CREM: variants seen among roughly 807,000 people sequenced by gnomAD.
CREM encodes the protein cAMP-responsive element modulator.
Under a neutral mutation model 37.3 loss-of-function variants are expected in CREM, and 13 were observed. That is an observed-to-expected ratio of 0.35 (90% CI 0.23 to 0.55). The LOEUF (loss-of-function observed/expected upper bound fraction) is 0.55, where lower values mean the gene tolerates loss of function less well. CREM is among the 20% of genes least tolerant of loss of function. CREM has a pLI of 0.88. For synonymous variants in CREM, 124 were observed against 120.2 expected, an observed-to-expected ratio of 1.03 and a Z score of -0.21; for missense variants, 296 against 362.3, an observed-to-expected ratio of 0.82 and a Z score of 1.49.
intron 2 of CREM, among the ~76,000 whole-genome samples, chr10:35,145,160 C>CAA (rs34802396): frequency 0.21 from 13,871 of 67,170 alleles, 1,033 homozygotes; most frequent in East Asian, 0.29. Flanking sequence ...GACACTGTCT[C>CAA]AAAAAAAAAA....
At chr10:35,137,694 G>T in intron 1 of CREM, 88 bp from the exon 2 acceptor site, 1 of 515,186 alleles carries the variant, frequency 1.9e-6, no homozygotes, top group Non-Finnish European at 3.3e-6. Context: ...CTTGTTTTGA[G>T]AGGTTTTAAT....
intron 5 of CREM, chr10:35,179,592 C>T (rs1053113163): frequency 2.6e-5 from 7 of 271,714 alleles, no homozygotes; most frequent in African/African-American, 1.1e-4. Flanking sequence ...ATGATGCATG[C>T]GAACATAAAT....
chr10:35,147,465 T>TA (rs1474469648), intron 2 of CREM, among the ~76,000 whole-genome samples: 2 of 152,192 alleles, frequency 1.3e-5, no homozygotes, highest in African/African-American at 4.8e-5. Context: ...ATCACTAACT[T>TA]AAACTGAATT....
intron 6 of CREM, chr10:35,196,374 A>G (rs1399271927): frequency 2.1e-6 from 1 of 473,704 alleles, no homozygotes; most frequent in Admixed American, 3.8e-5. Context: ...TTAGTTACTA[A>G]TAACCTTTGT....
At position 35,212,013 on chromosome 10, in the gene CREM, A is replaced by T; in HGVS notation, c.*615A>T. On this transcript the variant is annotated 3_prime_UTR_variant, in exon 8 of 8. Coordinates refer to ENST00000685392, the MANE Select transcript of CREM (RefSeq NM_183011.2). ...GAGACAAACTGTAAAAAATGTGTGT[A>T]TTCTTAAAATGCAATATTTGTAAGG... 1 of 443,178 alleles carries T rather than the reference A, an allele frequency of 2.3e-6. No individual in the cohort carries two copies. Among genetic ancestry groups the T allele is most frequent in the Non-Finnish European group, 3.9e-6 (1 of 257,700 alleles). The allele number at this position is 443,178 out of a possible 1,614,324, so 27.5% of individuals were successfully genotyped here. A position where few individuals can be genotyped will look rare whatever the true frequency, so the allele number is the denominator to read the frequency against.
intron 3 of CREM, among the ~76,000 whole-genome samples, chr10:35,174,328 G>A (rs955118825): frequency 6.6e-6 from 1 of 152,138 alleles, no homozygotes; most frequent in Non-Finnish European, 1.5e-5. Context: ...GTACTATTTG[G>A]TGTGCCATTG....
intron 3 of CREM, among the ~76,000 whole-genome samples, chr10:35,172,661 A>G (rs2132780312): frequency 6.6e-6 from 1 of 152,098 alleles, no homozygotes; most frequent in East Asian, 1.9e-4. Context: ...CTCTGAGTAC[A>G]TGCTGTTTTG....
Position 35,137,886 on chromosome 10 carries a change from A to G in CREM, c.44+7A>G. The G allele has an allele frequency of 6.3e-7, 1 of 1,580,612 alleles. No individual in the cohort carries two copies. ...ATATTAAGACAAATCCAAGGTAGGT[A>G]GATGTACGTTTTTCTGTTCTTTTGA... is the stretch of plus-strand genomic sequence containing the variant. On this transcript the variant is annotated splice_region_variant and intron_variant, in intron 2 of 7. Coordinates refer to ENST00000685392, the MANE Select transcript of CREM (RefSeq NM_183011.2).
intron 1 of CREM, among the ~76,000 whole-genome samples, chr10:35,128,045 A>G (rs1250305820): frequency 6.6e-6 from 1 of 152,062 alleles, no homozygotes; most frequent in Non-Finnish European, 1.5e-5. Flanking sequence ...GGGTTTTACC[A>G]TGTTGGTCAG....
Position 35,212,473 on chromosome 10 carries a change from G to C in CREM, c.*1075G>C, listed in dbSNP as rs928365304. On this transcript the variant is annotated 3_prime_UTR_variant, in exon 8 of 8. Coordinates refer to ENST00000685392, the MANE Select transcript of CREM (RefSeq NM_183011.2). ...ATAAAAGATCTTGCAGAAGTTCTTA[G>C]TGTTGGTTTAATATTACCTAATGAA... The C allele has an allele frequency of 6.5e-6, 1 of 152,760 alleles. No homozygotes were observed. Among genetic ancestry groups the C allele is most frequent in the South Asian group, 2.1e-4 (1 of 4,832 alleles). The allele number at this position is 152,760 out of a possible 1,614,324, so 9.5% of individuals were successfully genotyped here.
Position 35,196,930 on chromosome 10 carries a change from C to T in CREM, c.598+8542C>T, listed in dbSNP as rs560268882. On this transcript the variant is annotated intron_variant, in intron 6 of 7. Transcript: ENST00000685392. ...TGTCGCCCAGGCTGGAGTGCAGTGG[C>T]GCGATCTTGGCTCACTGCAAGCTCC... Among the ~76,000 whole-genome samples the T allele has an allele frequency of 5.6e-3, 756 of 134,708 alleles. 7 individuals carry two copies. Among genetic ancestry groups the T allele is most frequent in the African/African-American group, 0.021 (717 of 34,668 alleles). 88.4% of individuals were successfully genotyped at this position (134,708 alleles called of 152,430 possible).
At chr10:35,146,810 G>A (rs900104464) in intron 2 of CREM, among the ~76,000 whole-genome samples, 2 of 152,116 alleles carry the variant, frequency 1.3e-5, no homozygotes, top group Non-Finnish European at 2.9e-5. Context: ...TTTGGGTAAC[G>A]GCTACTGGAA....
intron 3 of CREM, 86 bp from the exon 4 acceptor site, chr10:35,178,803 C>A: frequency 9.9e-7 from 1 of 1,011,438 alleles, no homozygotes; most frequent in Non-Finnish European, 1.5e-6. Context: ...CTCAGTGCTG[C>A]ACACACAGAC....
rs1491112396 is a variant in CREM at position 35,187,155 on chromosome 10, AAT to A, written c.410-1038_410-1037del. Among the ~76,000 whole-genome samples the A allele has an allele frequency of 1.7e-4, 11 of 65,436 alleles. No individual in the cohort carries two copies. The East Asian group carries it at 4.1e-3, about 24-fold the overall frequency. 42.9% of individuals were successfully genotyped at this position (65,436 alleles called of 152,430 possible). A position where few individuals can be genotyped will look rare whatever the true frequency, so the allele number is the denominator to read the frequency against. ...TAATATATTAATATATAATATATAT[AAT>A]ATATATTATATATTAATATTAATAT... On this transcript the variant is annotated intron_variant, in intron 5 of 7. Coordinates refer to ENST00000685392, the MANE Select transcript of CREM (RefSeq NM_183011.2).
chr10:35,211,667 A>G lies in CREM; in HGVS notation c.*269A>G. 6.2e-7 allele frequency: 1 copy of G among 1,611,074 alleles called. No individual in the cohort carries two copies. Among genetic ancestry groups the G allele is most frequent in the Admixed American group, 1.7e-5 (1 of 59,186 alleles). ...CTGCTTTTTTTCAGGGAAGCTGCCA[A>G]AGAATGTCGACGTCGAAAGAAAGAA... On this transcript the variant is annotated 3_prime_UTR_variant, in exon 8 of 8. Coordinates refer to ENST00000685392, the MANE Select transcript of CREM (RefSeq NM_183011.2).
chr10:35,137,893 C>A lies in CREM; in HGVS notation c.44+14C>A, dbSNP rs147687611. On this transcript the variant is annotated intron_variant, in intron 2 of 7. Coordinates refer to ENST00000685392, the MANE Select transcript of CREM (RefSeq NM_183011.2). ...GACAAATCCAAGGTAGGTAGATGTA[C>A]GTTTTTCTGTTCTTTTGAAAATTCT... 1 of 1,570,506 alleles carries A rather than the reference C, an allele frequency of 6.4e-7. No individual in the cohort carries two copies. Among genetic ancestry groups the A allele is most frequent in the Non-Finnish European group, 8.6e-7 (1 of 1,158,186 alleles).
At chr10:35,144,378 T>C (rs530974533) in intron 2 of CREM, among the ~76,000 whole-genome samples, 4 of 152,290 alleles carry the variant, frequency 2.6e-5, no homozygotes, top group African/African-American at 4.8e-5. Flanking sequence ...GAATGGATGA[T>C]GATACTCTTG....
chr10:35,212,054 C>T lies in CREM; in HGVS notation c.*656C>T, dbSNP rs527714479. The T allele has an allele frequency of 1.5e-4, 52 of 340,030 alleles. No individual in the cohort carries two copies. In the East Asian group the frequency reaches 2.6e-3, roughly 17 times the overall value. 21.1% of individuals were successfully genotyped at this position (340,030 alleles called of 1,614,324 possible). ...ATTTGTAAGGCTTGTTCCAATGCCA[C>T]ATACTTGCAGCTCCCATTCTATGTG... On this transcript the variant is annotated 3_prime_UTR_variant, in exon 8 of 8. Transcript: ENST00000685392.
chr10:35,195,819 T>C (rs2095133111), intron 6 of CREM: 2 of 524,392 alleles, frequency 3.8e-6, no homozygotes, highest in South Asian at 2.5e-5. Flanking sequence ...GCAGGGGAAG[T>C]GGAAAAGTTA....
Sources: gnomAD v4.1 joint callset for allele counts (sites outside exome capture counted in the v4.1 genomes callset) on GRCh38, gnomAD v4.1.1 for gene constraint, MANE v1.5 for transcripts, NCBI Gene and HGNC (gene_info 2026-07-23, HGNC 2026-07-21) for gene names.